The following GPC1 variants were observed in gnomAD, a reference collection of about 807,000 sequenced individuals.
The protein encoded by GPC1 is glypican 1.
A neutral mutation model predicts 51.5 loss-of-function variants in GPC1; 26 were observed. The ratio of observed to expected loss-of-function variants is 0.50; its 90% CI spans 0.37 to 0.70. The LOEUF is 0.70. Ranked by LOEUF, GPC1 falls within the 30% of genes least tolerant of loss-of-function variation. GPC1 has a pLI of 0.00. For synonymous variants in GPC1, 380 were observed against 348.3 expected, an observed-to-expected ratio of 1.09 and a Z score of -1.01; for missense variants, 775 against 800.5, an observed-to-expected ratio of 0.97 and a Z score of 0.38.
Position 240,449,623 on chromosome 2 carries a change from G to T in GPC1, c.167-9407G>T, listed in dbSNP as rs1182327934. ...CAGTGGCGTTCAGTCCATTCATGCT[G>T]TTGTGCGGCCGTCACCCCCATCCAG... On this transcript the variant is annotated intron_variant, in intron 1 of 8. Transcript: ENST00000264039. The T allele has an allele frequency of 2.5e-5, 8 of 313,998 alleles. No homozygotes were observed. In the Admixed American group the frequency reaches 3.4e-4, roughly 13 times the overall value. The allele number at this position is 313,998 out of a possible 1,614,324, so 19.5% of individuals were successfully genotyped here. A position where few individuals can be genotyped will look rare whatever the true frequency, so the allele number is the denominator to read the frequency against.
In GPC1 at chr2:240,459,194, T is replaced by C; in HGVS notation, c.325+6T>C. 1 of 1,610,452 alleles carries C rather than the reference T, an allele frequency of 6.2e-7. No homozygotes were observed. The highest frequency in any genetic ancestry group is 8.5e-7 in the Non-Finnish European group (1 of 1,178,796). On this transcript the variant is annotated splice_donor_region_variant and intron_variant, in intron 2 of 8. Transcript: ENST00000264039. The stretch of plus-strand genomic sequence containing the variant: ...CCAGCTGCGCAGCTTCGATGGTGAG[T>C]GCCTCCCACGGGCGCTCGGGGCCCG...
intron 1 of GPC1, chr2:240,451,180 C>G (rs2074096509): frequency 2.1e-6 from 1 of 471,200 alleles, no homozygotes; most frequent in Non-Finnish European, 4.4e-6. Flanking sequence ...TCCAGAGGCA[C>G]CCAAGGGTTT....
chr2:240,438,405 T>C (rs2073997088), intron 1 of GPC1, among the ~76,000 whole-genome samples: 1 of 152,184 alleles, frequency 6.6e-6, no homozygotes, highest in East Asian at 1.9e-4. Flanking sequence ...CCTCCTGCTT[T>C]GTCGGCTGGG....
intron 1 of GPC1, chr2:240,458,815 G>C (rs1474340388): frequency 1.8e-6 from 1 of 559,460 alleles, no homozygotes; most frequent in Non-Finnish European, 3.2e-6. Flanking sequence ...GTGCTCTTGT[G>C]TCACGTGTGG....
At chr2:240,441,545 C>T (rs74001642) in intron 1 of GPC1, among the ~76,000 whole-genome samples, 3,199 of 152,370 alleles carry the variant, frequency 0.021, 115 homozygotes, top group African/African-American at 0.071. Flanking sequence ...CCAGTGTCGA[C>T]GTGCCCAGAG....
chr2:240,452,586 C>T (rs2074109092), intron 1 of GPC1, among the ~76,000 whole-genome samples: 1 of 152,092 alleles, frequency 6.6e-6, no homozygotes, highest in African/African-American at 2.4e-5. Context: ...GCCTAGGAGG[C>T]CCGGACTGCC....
At chr2:240,445,446 G>A (rs937260603) in intron 1 of GPC1, among the ~76,000 whole-genome samples, 1 of 152,150 alleles carries the variant, frequency 6.6e-6, no homozygotes, top group Non-Finnish European at 1.5e-5. Flanking sequence ...AACGCCAGTA[G>A]CACCCCCAAG....
chr2:240,464,641 G>A lies in GPC1; in HGVS notation c.909G>A (p.Lys303=), dbSNP rs141626394. 2,748 of 1,613,446 alleles carry A rather than the reference G, an allele frequency of 1.7e-3. 11 individuals are homozygous for A. Among genetic ancestry groups the A allele is most frequent in the Middle Eastern group, 3.1e-3 (19 of 6,062 alleles). The change falls in exon 5 of 9, where the codon AAG becomes AAA. Residue 303 remains lysine (K), a synonymous_variant. Coordinates refer to ENST00000264039, the MANE Select transcript of GPC1 (RefSeq NM_002081.3). ...ACTCCATGGTGCTCATCACCGACAA[G>A]TTCTGGGGTACATCGGGTGTGGAGA... ...LLDSMVLITD[K]FWGTSGVESV... is the part of the protein sequence containing the mutation.
intron 7 of GPC1, 32 bp from the exon 8 acceptor site, chr2:240,465,441 A>G: frequency 1.2e-6 from 2 of 1,604,236 alleles, no homozygotes; most frequent in Non-Finnish European, 1.7e-6. Context: ...GGGCTGGAGC[A>G]GTGACCTGGG....
rs1215130076 is a variant in GPC1 at position 240,446,536 on chromosome 2, CAT to C, written c.166+10453_166+10454del. Among the ~76,000 whole-genome samples the C allele has an allele frequency of 2.6e-5, 4 of 152,362 alleles. No individual in the cohort carries two copies. In the South Asian group the frequency reaches 6.2e-4, roughly 24 times the overall value. On this transcript the variant is annotated intron_variant, in intron 1 of 8. Transcript: ENST00000264039. The stretch of plus-strand genomic sequence containing the variant: ...TTTGCAACCACTCACCCATTTGAGT[CAT>C]GTGAACCCTGAGGGCCGAACCCTAA...
rs373944004 is a variant in GPC1 at position 240,462,472 on chromosome 2, G to C, written c.607G>C (p.Gly203Arg). The change falls in exon 3 of 9, where the codon GGG becomes CGG. Residue 203 changes from glycine (G) to arginine (R), a missense_variant. Physicochemically the swap from Gly to Arg is moderately radical, Grantham distance 125. Transcript: ENST00000264039. Reference sequence around the variant, plus strand: ...GCAGGCCGAGGCGCTGCGGCCCTTCGGGGAGGCCCCGAGAGAGCTGCGCCT... The same window carrying C: ...GCAGGCCGAGGCGCTGCGGCCCTTCCGGGAGGCCCCGAGAGAGCTGCGCCT... ...GKQAEALRPF[G>R]EAPRELRLRA... 6.2e-7 allele frequency: 1 copy of C among 1,603,428 alleles called. No homozygotes were observed. Among genetic ancestry groups the C allele is most frequent in the East Asian group, 2.2e-5 (1 of 44,532 alleles).
Position 240,459,153 on chromosome 2 carries a change from A to G in GPC1, c.290A>G (p.Gln97Arg). Reference sequence around the variant, plus strand: ...CTCCGGGACAGCAGCCGCGTCCTGCAGGCCATGCTTGCCACCCAGCTGCGC... The same window carrying G: ...CTCCGGGACAGCAGCCGCGTCCTGCGGGCCATGCTTGCCACCCAGCTGCGC... ...TALRDSSRVL[Q>R]AMLATQLRSF... Residue 97 changes from glutamine (Q) to arginine (R), a missense_variant, in exon 2 of 9, where the codon CAG becomes CGG. Coordinates refer to ENST00000264039, the MANE Select transcript of GPC1 (RefSeq NM_002081.3). The G allele has an allele frequency of 6.2e-7, 1 of 1,612,542 alleles. No individual in the cohort carries two copies. The highest frequency in any genetic ancestry group is 8.5e-7 in the Non-Finnish European group (1 of 1,179,842).
At chr2:240,461,088 G>A (rs1052399339) in intron 2 of GPC1, among the ~76,000 whole-genome samples, 2 of 152,232 alleles carry the variant, frequency 1.3e-5, no homozygotes, top group South Asian at 4.1e-4. Flanking sequence ...GTGTGTCTGG[G>A]CTAATGCATG....
intron 1 of GPC1, chr2:240,458,602 G>C (rs573573419): frequency 7.9e-5 from 14 of 178,338 alleles, no homozygotes; most frequent in Non-Finnish European, 1.4e-4. Context: ...CCCAGGGCTG[G>C]TGTGGGAAGA....
chr2:240,455,503 T>G (rs1388647526), intron 1 of GPC1, among the ~76,000 whole-genome samples: 1 of 152,032 alleles, frequency 6.6e-6, no homozygotes, highest in Non-Finnish European at 1.5e-5. Context: ...ACTCACCCCC[T>G]AGGTTGGAAA....
At chr2:240,461,222 C>G (rs1303590585) in intron 2 of GPC1, among the ~76,000 whole-genome samples, 3 of 152,332 alleles carry the variant, frequency 2.0e-5, no homozygotes, top group Admixed American at 2.0e-4. Context: ...TCTCTGTAGC[C>G]CTGCCAGCCC....
chr2:240,462,323 G>A lies in GPC1; in HGVS notation c.458G>A (p.Arg153His), dbSNP rs762664665. 26 of 1,605,902 alleles carry A rather than the reference G, an allele frequency of 1.6e-5. No homozygotes were observed. The highest frequency in any genetic ancestry group is 8.9e-5 in the South Asian group (8 of 90,010). The change falls in exon 3 of 9, where the codon CGC (arginine) becomes CAC (histidine). Residue 153 changes from arginine (R) to histidine (H), a missense_variant. By Grantham distance (29) the Arg-to-His change is conservative. Coordinates refer to ENST00000264039, the MANE Select transcript of GPC1 (RefSeq NM_002081.3). ...DLYSELRLYY[R>H]GANLHLEETL... is the part of the protein sequence containing the mutation. ...TACTCAGAGCTGCGCCTGTACTACC[G>A]CGGTGCCAACCTGCACCTGGAGGAG...
intron 1 of GPC1, chr2:240,456,668 G>A: frequency 2.1e-6 from 1 of 469,860 alleles, no homozygotes; most frequent in South Asian, 1.6e-5. Context: ...CCCCATCACA[G>A]CCCACACCCT....
At chr2:240,452,313 G>A (rs986492568) in intron 1 of GPC1, 5 of 153,038 alleles carry the variant, frequency 3.3e-5, no homozygotes, top group African/African-American at 1.2e-4. Context: ...AGCAGGTCAG[G>A]ATATAGGGGC....
Sources: gnomAD v4.1 joint callset for allele counts (sites outside exome capture counted in the v4.1 genomes callset) on GRCh38, gnomAD v4.1.1 for gene constraint, MANE v1.5 for transcripts, NCBI Gene and HGNC (gene_info 2026-07-23, HGNC 2026-07-21) for gene names.